The following CSMD1 variants were observed in gnomAD, a reference collection of about 807,000 sequenced individuals.
CSMD1 encodes CUB and sushi domain-containing protein 1.
A neutral mutation model predicts 417.5 loss-of-function variants in CSMD1; 213 were observed. That is an observed-to-expected ratio of 0.51 (90% confidence interval 0.46 to 0.57). CSMD1 has a LOEUF of 0.57. Among genes scored for constraint, CSMD1 ranks in the 20% least tolerant of loss-of-function variants. The pLI is 0.00. For missense variants in CSMD1, 6,923 were observed against 4,529.7 expected (o/e 1.53, Z -15.17); for synonymous variants, 2,862 against 1,736.8 (o/e 1.65, Z -16.11).
intron 1 of CSMD1, among the ~76,000 whole-genome samples, chr8:4,960,145 G>A (rs1809382495): frequency 6.6e-6 from 1 of 152,092 alleles, no homozygotes; most frequent in Non-Finnish European, 1.5e-5. Flanking sequence ...CTTCTGAAAT[G>A]TACTAGACCC....
intron 16 of CSMD1, among the ~76,000 whole-genome samples, chr8:3,397,503 A>C (rs888928933): frequency 6.6e-6 from 1 of 152,168 alleles, no homozygotes; most frequent in African/African-American, 2.4e-5. Context: ...CATAAAGAGG[A>C]ATTTGAACCA....
chr8:3,732,715 G>A (rs1796331268), intron 6 of CSMD1, among the ~76,000 whole-genome samples: 1 of 152,080 alleles, frequency 6.6e-6, no homozygotes, highest in Non-Finnish European at 1.5e-5. Flanking sequence ...AAATGCCCCA[G>A]ATGAACTGAA....
At chr8:4,823,987 C>T (rs1563502880) in intron 1 of CSMD1, among the ~76,000 whole-genome samples, 1 of 151,786 alleles carries the variant, frequency 6.6e-6, no homozygotes, top group African/African-American at 2.4e-5. Flanking sequence ...CGCATGGACA[C>T]ACACATATAC....
At chr8:4,210,150 G>C (rs1296299838) in intron 3 of CSMD1, among the ~76,000 whole-genome samples, 1 of 152,196 alleles carries the variant, frequency 6.6e-6, no homozygotes, top group Non-Finnish European at 1.5e-5. Context: ...TCCTGTCACT[G>C]TGTGTCAAAT....
intron 52 of CSMD1, among the ~76,000 whole-genome samples, chr8:3,009,486 A>G (rs17079043): frequency 0.021 from 3,139 of 152,288 alleles, 99 homozygotes; most frequent in African/African-American, 0.07. Context: ...CCAATTTGCA[A>G]ACTTTTCTTC....
chr8:4,346,080 C>T (rs1270248524), intron 3 of CSMD1, among the ~76,000 whole-genome samples: 4 of 152,070 alleles, frequency 2.6e-5, no homozygotes, highest in African/African-American at 7.2e-5. Flanking sequence ...TGTGTGAATA[C>T]GAAAGTACTA....
rs375003872 is a variant in CSMD1 at position 4,003,542 on chromosome 8, AAC to A, written c.611-5434_611-5433del. Among the ~76,000 whole-genome samples, 50 of 152,356 alleles carry A rather than the reference AAC, an allele frequency of 3.3e-4. No individual in the cohort carries two copies. In the East Asian group the frequency reaches 8.7e-3, roughly 26 times the overall value. ...CTAGAACAAACCAAAATTAAAAACA[AAC>A]ACAGGTGAAGTTTCAATCTTTCTTA... On this transcript the variant is annotated intron_variant, in intron 4 of 69. Transcript: ENST00000635120.
chr8:3,438,343 G>A (rs73174833), intron 12 of CSMD1, among the ~76,000 whole-genome samples: 8,142 of 152,178 alleles, frequency 0.054, 284 homozygotes, highest in South Asian at 0.074. Flanking sequence ...GTATACTGAC[G>A]TTGAAACAGG....
chr8:3,083,353 T>C (rs772476144), intron 49 of CSMD1, among the ~76,000 whole-genome samples: 15 of 151,854 alleles, frequency 9.9e-5, no homozygotes, highest in Non-Finnish European at 1.5e-4. Context: ...ATTTTATTTT[T>C]AACACCAGAG....
chr8:4,072,388 T>C (rs1368659995), intron 3 of CSMD1, among the ~76,000 whole-genome samples: 1 of 152,202 alleles, frequency 6.6e-6, no homozygotes, highest in Non-Finnish European at 1.5e-5. Context: ...TTTAGTTTAC[T>C]GCATTCTATG....
At chr8:3,097,473 G>A (rs949238786) in intron 46 of CSMD1, among the ~76,000 whole-genome samples, 2 of 152,060 alleles carry the variant, frequency 1.3e-5, no homozygotes, top group African/African-American at 2.4e-5. Flanking sequence ...CCTTACCCCT[G>A]GGGATACATT....
At chr8:4,894,696 G>A (rs1387197707) in intron 1 of CSMD1, among the ~76,000 whole-genome samples, 2 of 81,316 alleles carry the variant, frequency 2.5e-5, no homozygotes, top group South Asian at 5.8e-4. Flanking sequence ...TTATCTGAAA[G>A]ACTGTGTGTG....
chr8:3,977,327 C>G (rs1450892338), intron 5 of CSMD1, among the ~76,000 whole-genome samples: 1 of 152,126 alleles, frequency 6.6e-6, no homozygotes, highest in Non-Finnish European at 1.5e-5. Flanking sequence ...TTCCCAATGT[C>G]CTGCCATACT....
intron 8 of CSMD1, among the ~76,000 whole-genome samples, chr8:3,589,442 C>CT (rs1358621057): frequency 6.6e-6 from 1 of 151,716 alleles, no homozygotes; most frequent in Non-Finnish European, 1.5e-5. Flanking sequence ...ACTATTCAGC[C>CT]TTTTTTAAAA....
At chr8:4,788,383 G>A in intron 1 of CSMD1, 1 of 1,423,946 alleles carries the variant, frequency 7.0e-7, no homozygotes, top group Non-Finnish European at 9.8e-7. Context: ...CCAGACTGGG[G>A]AGCTCAGGAT....
chr8:3,850,985 T>A (rs745707722), intron 5 of CSMD1, among the ~76,000 whole-genome samples: 1 of 152,238 alleles, frequency 6.6e-6, no homozygotes, highest in Non-Finnish European at 1.5e-5. Flanking sequence ...GTATAATAAG[T>A]GCTTCAGCTT....
chr8:4,332,945 A>G (rs1441743832), intron 3 of CSMD1, among the ~76,000 whole-genome samples: 1 of 57,128 alleles, frequency 1.8e-5, no homozygotes, highest in Admixed American at 1.3e-4. Context: ...ATAAAAATCT[A>G]AAAAAAAAAA....
Position 4,453,197 on chromosome 8 carries a change from CCACA to C in CSMD1, c.303-33136_303-33133del, listed in dbSNP as rs562108898. On this transcript the variant is annotated intron_variant, in intron 2 of 69. Coordinates refer to ENST00000635120, the MANE Select transcript of CSMD1 (RefSeq NM_033225.6). ...CCTCCATCCCAACACACAGACACAC[CCACA>C]CAGACACACACAGAGACACACACAC... is the stretch of plus-strand genomic sequence containing the variant. Among the ~76,000 whole-genome samples, 317 of 133,904 alleles carry C rather than the reference CCACA, an allele frequency of 2.4e-3. 4 individuals carry two copies. The highest frequency in any genetic ancestry group is 8.4e-3 in the African/African-American group (295 of 35,180). The allele number at this position is 133,904 out of a possible 152,430, so 87.8% of individuals were successfully genotyped here. A position where few individuals can be genotyped will look rare whatever the true frequency, so the allele number is the denominator to read the frequency against.
intron 1 of CSMD1, among the ~76,000 whole-genome samples, chr8:4,744,467 A>G (rs559612374): frequency 3.9e-5 from 6 of 152,292 alleles, no homozygotes; most frequent in South Asian, 2.1e-4. Context: ...AATGCTCTCC[A>G]TAAGTGAGGA....
Sources: gnomAD v4.1 joint callset for allele counts (sites outside exome capture counted in the v4.1 genomes callset) on GRCh38, gnomAD v4.1.1 for gene constraint, MANE v1.5 for transcripts, NCBI Gene and HGNC (gene_info 2026-07-23, HGNC 2026-07-21) for gene names.